The following CARMIL1 variants were observed in gnomAD, a reference collection of about 807,000 sequenced individuals.
CARMIL1 encodes F-actin-uncapping protein LRRC16A.
CARMIL1 carries 90 observed loss-of-function variants against 177.1 expected under a neutral mutation model. The ratio of observed to expected loss-of-function variants is 0.51; its 90% CI spans 0.43 to 0.61. The LOEUF is 0.61. Ranked by LOEUF, CARMIL1 falls within the 20% of genes least tolerant of loss-of-function variation. The pLI is 0.00. For synonymous variants in CARMIL1, 577 were observed against 606.2 expected (o/e 0.95, Z 0.71); for missense variants, 1,380 against 1,667.0 (o/e 0.83, Z 3.00).
Position 25,487,283 on chromosome 6 carries a change from G to A in CARMIL1, c.962-1199G>A, listed in dbSNP as rs181143602. Among the ~76,000 whole-genome samples, 657 of 152,150 alleles carry A rather than the reference G, an allele frequency of 4.3e-3. 4 individuals are homozygous for A. The highest frequency in any genetic ancestry group is 0.014 in the Middle Eastern group (4 of 294). On this transcript the variant is annotated intron_variant, in intron 12 of 36. Coordinates refer to ENST00000329474, the MANE Select transcript of CARMIL1 (RefSeq NM_017640.6). ...CCACAGCTCTTGTAGTACCTTCATC[G>A]GATCCTGCTGCTATGACCAGAACTG...
intron 33 of CARMIL1, among the ~76,000 whole-genome samples, chr6:25,603,263 G>A (rs114574476): frequency 0.022 from 3,423 of 152,336 alleles, 103 homozygotes; most frequent in African/African-American, 0.071. Flanking sequence ...CAGAGGGCTG[G>A]CATGGGACTT....
chr6:25,450,434 A>G (rs1798671410), intron 7 of CARMIL1, 25 bp downstream of exon 7: 2 of 1,544,118 alleles, frequency 1.3e-6, no homozygotes, highest in Non-Finnish European at 1.8e-6. Context: ...GTACATGTGC[A>G]TGAGCACACA....
chr6:25,580,845 C>A (rs1161091699), intron 29 of CARMIL1, 79 bp from the exon 30 acceptor site: 17 of 1,086,926 alleles, frequency 1.6e-5, no homozygotes, highest in Non-Finnish European at 2.2e-5. Context: ...AACAGTCGAT[C>A]CAGAATGTTT....
At chr6:25,513,368 T>C (rs1335887000) in intron 20 of CARMIL1, among the ~76,000 whole-genome samples, 1 of 152,236 alleles carries the variant, frequency 6.6e-6, no homozygotes, top group Non-Finnish European at 1.5e-5. Context: ...TGAGTCTAAA[T>C]GTATTCAGAC....
intron 2 of CARMIL1, among the ~76,000 whole-genome samples, chr6:25,308,881 G>GC (rs1317875778): frequency 2.6e-5 from 4 of 152,130 alleles, no homozygotes; most frequent in Non-Finnish European, 5.9e-5. Flanking sequence ...GACTGAGAAA[G>GC]CCCATCCACT....
intron 2 of CARMIL1, among the ~76,000 whole-genome samples, chr6:25,317,163 A>G (rs1251305643): frequency 1.3e-5 from 2 of 151,604 alleles, no homozygotes; most frequent in African/African-American, 4.8e-5. Context: ...TTTTTTTGGG[A>G]TGGGGTCTCA....
At chr6:25,572,607 G>A in intron 29 of CARMIL1, among the ~76,000 whole-genome samples, 1 of 151,436 alleles carries the variant, frequency 6.6e-6, no homozygotes, top group Non-Finnish European at 1.5e-5. Context: ...AGGCTGAAGT[G>A]GGAAGATGGC....
Position 25,606,334 on chromosome 6 carries a change from A to C in CARMIL1, c.3847+61A>C, listed in dbSNP as rs1016799307. ...CAGGTGGCTTCCCAGAGCCAGCTGG[A>C]TCAGACTCTGCAGGTGGTTTCAGGG... On this transcript the variant is annotated intron_variant, in intron 35 of 36. Coordinates refer to ENST00000329474, the MANE Select transcript of CARMIL1 (RefSeq NM_017640.6). 3.3e-6 allele frequency: 5 copies of C among 1,509,190 alleles called. No individual in the cohort carries two copies. In the African/African-American group the frequency reaches 5.5e-5, roughly 17 times the overall value. The allele number at this position is 1,509,190 out of a possible 1,614,324, so 93.5% of individuals were successfully genotyped here.
At chr6:25,414,434 CT>C (rs924158424) in intron 2 of CARMIL1, among the ~76,000 whole-genome samples, 5 of 152,260 alleles carry the variant, frequency 3.3e-5, no homozygotes, top group Admixed American at 2.6e-4. Flanking sequence ...TCAGGAAACC[CT>C]TTTTGGTAAG....
intron 17 of CARMIL1, among the ~76,000 whole-genome samples, chr6:25,504,823 G>T (rs566568398): frequency 6.6e-6 from 1 of 152,282 alleles, no homozygotes; most frequent in Admixed American, 6.5e-5. Flanking sequence ...GGAATCAAAA[G>T]GCCCCCTTTG....
chr6:25,435,014 T>TA (rs1272389489), intron 4 of CARMIL1, among the ~76,000 whole-genome samples: 7 of 152,300 alleles, frequency 4.6e-5, no homozygotes, highest in African/African-American at 1.7e-4. Context: ...TAGCCATACT[T>TA]ACACTACATA....
intron 33 of CARMIL1, among the ~76,000 whole-genome samples, chr6:25,602,854 T>C (rs1236888490): frequency 1.3e-5 from 2 of 152,164 alleles, no homozygotes; most frequent in African/African-American, 4.8e-5. Context: ...ATAAATATGT[T>C]TAAAGAAAAA....
chr6:25,467,894 G>A (rs993052080), intron 9 of CARMIL1, among the ~76,000 whole-genome samples: 2 of 152,150 alleles, frequency 1.3e-5, no homozygotes, highest in East Asian at 1.9e-4. Context: ...TTTACCCAAA[G>A]TTAAAAAGAA....
chr6:25,380,331 C>A (rs1791399359), intron 2 of CARMIL1, among the ~76,000 whole-genome samples: 1 of 152,206 alleles, frequency 6.6e-6, no homozygotes, highest in East Asian at 1.9e-4. Flanking sequence ...CAGGCCGATT[C>A]TCTGTTGTAG....
chr6:25,537,635 G>A (rs1421633660), intron 24 of CARMIL1, among the ~76,000 whole-genome samples: 12 of 152,150 alleles, frequency 7.9e-5, no homozygotes. Context: ...TTTTTTTCTG[G>A]CATTAAAGTT....
intron 31 of CARMIL1, among the ~76,000 whole-genome samples, chr6:25,592,229 T>TA (rs1281089992): frequency 6.6e-6 from 1 of 152,172 alleles, no homozygotes; most frequent in Non-Finnish European, 1.5e-5. Flanking sequence ...AAAAGTAGGA[T>TA]AGTACTATCT....
rs183478580 is a variant in CARMIL1, at chr6:25,482,757, G to T, written c.961+414G>T. Among the ~76,000 whole-genome samples, 382 of 152,274 alleles carry T rather than the reference G, an allele frequency of 2.5e-3. 1 individual carries two copies. In the Middle Eastern group the frequency reaches 0.027, roughly 11 times the overall value. ...GCTTAACTTGTGAATCACCACTGTA[G>T]CTCCACTCCTTGTAGTTCTGTCTTT... is the stretch of plus-strand genomic sequence containing the variant. On this transcript the variant is annotated intron_variant, in intron 12 of 36. Transcript: ENST00000329474.
At chr6:25,460,795 T>C (rs1800053969) in intron 8 of CARMIL1, among the ~76,000 whole-genome samples, 1 of 152,252 alleles carries the variant, frequency 6.6e-6, no homozygotes, top group Non-Finnish European at 1.5e-5. Flanking sequence ...CTGTTATCTG[T>C]AATGCTGCTA....
At chr6:25,504,520 AC>A (rs1804729142) in intron 17 of CARMIL1, among the ~76,000 whole-genome samples, 1 of 152,208 alleles carries the variant, frequency 6.6e-6, no homozygotes, top group Non-Finnish European at 1.5e-5. Flanking sequence ...TTGCTTTCTT[AC>A]AATACAAACA....
Sources: allele counts gnomAD v4.1 joint callset (sites outside exome capture counted in the v4.1 genomes callset), GRCh38; gene constraint gnomAD v4.1.1; transcripts MANE v1.5; gene names NCBI Gene and HGNC (gene_info 2026-07-23, HGNC 2026-07-21).